Variants in UNC5D observed in about 807,000 individuals in gnomAD.
UNC5D encodes netrin receptor UNC5D.
In UNC5D, 39 loss-of-function variants were observed where a neutral mutation model predicts 105.4. The ratio of observed to expected loss-of-function variants is 0.37; its 90% CI spans 0.29 to 0.48. UNC5D has a LOEUF of 0.48. Among genes scored for constraint, UNC5D ranks in the 20% least tolerant of loss-of-function variants. The probability of loss-of-function intolerance (pLI) is 0.98; values close to 1 mark genes in which losing one functional copy is unlikely to be tolerated. For missense variants in UNC5D, 991 were observed against 1,202.4 expected, an observed-to-expected ratio of 0.82 and a Z score of 2.60; for synonymous variants, 452 against 450.4, an observed-to-expected ratio of 1.00 and a Z score of -0.04.
At chr8:35,758,781 A>T (rs1830626639) in intron 13 of UNC5D, among the ~76,000 whole-genome samples, 1 of 152,232 alleles carries the variant, frequency 6.6e-6, no homozygotes. Context: ...CTTTTGGTAT[A>T]ATAACTTTTA....
At chr8:35,417,047 A>T (rs1805576950) in intron 1 of UNC5D, among the ~76,000 whole-genome samples, 1 of 152,182 alleles carries the variant, frequency 6.6e-6, no homozygotes, top group Non-Finnish European at 1.5e-5. Context: ...TGGAGAATGG[A>T]GTATCCATCC....
At chr8:35,384,670 A>C (rs1803270952) in intron 1 of UNC5D, among the ~76,000 whole-genome samples, 1 of 152,206 alleles carries the variant, frequency 6.6e-6, no homozygotes, top group African/African-American at 2.4e-5. Context: ...TGAGCCAGTG[A>C]CCCACATTTA....
At chr8:35,331,507 G>A (rs1810628146) in intron 1 of UNC5D, among the ~76,000 whole-genome samples, 1 of 152,196 alleles carries the variant, frequency 6.6e-6, no homozygotes, top group South Asian at 2.1e-4. Flanking sequence ...TAGCCTCCTC[G>A]CCTGTATCAC....
intron 1 of UNC5D, among the ~76,000 whole-genome samples, chr8:35,342,214 C>T (rs544616239): frequency 4.6e-5 from 7 of 152,008 alleles, no homozygotes; most frequent in Non-Finnish European, 8.8e-5. Flanking sequence ...GGACCTTTTC[C>T]GTGACCCCAG....
intron 1 of UNC5D, among the ~76,000 whole-genome samples, chr8:35,353,772 G>A (rs1331957821): frequency 3.3e-5 from 5 of 152,010 alleles, no homozygotes; most frequent in Non-Finnish European, 7.4e-5. Context: ...TAGGACGCTG[G>A]ATAATGTGTG....
chr8:35,644,015 C>T (rs754197442), intron 4 of UNC5D, among the ~76,000 whole-genome samples: 6 of 152,234 alleles, frequency 3.9e-5, no homozygotes, highest in South Asian at 2.1e-4. Context: ...ATTGAGCCAT[C>T]GGCTATGTTT....
At chr8:35,484,408 C>T (rs544187686) in intron 1 of UNC5D, among the ~76,000 whole-genome samples, 1 of 152,290 alleles carries the variant, frequency 6.6e-6, no homozygotes, top group East Asian at 1.9e-4. Flanking sequence ...ATCAGCATGT[C>T]TTATTATCCT....
At chr8:35,704,373 A>G (rs141124287) in intron 7 of UNC5D, among the ~76,000 whole-genome samples, 20 of 152,338 alleles carry the variant, frequency 1.3e-4, no homozygotes, top group African/African-American at 4.1e-4. Context: ...GAAAGACTCT[A>G]TGGAGAACTC....
chr8:35,535,106 T>G (rs1048531380), intron 1 of UNC5D, among the ~76,000 whole-genome samples: 2 of 152,120 alleles, frequency 1.3e-5, no homozygotes, highest in Admixed American at 1.3e-4. Flanking sequence ...ACCCAGACCC[T>G]GGGTGCCAAC....
At chr8:35,504,695 GA>G (rs750821755) in intron 1 of UNC5D, among the ~76,000 whole-genome samples, 9 of 152,274 alleles carry the variant, frequency 5.9e-5, no homozygotes, top group Non-Finnish European at 1.0e-4. Flanking sequence ...ATTATCTGGG[GA>G]ACAGTGTAGA....
intron 4 of UNC5D, among the ~76,000 whole-genome samples, chr8:35,632,275 GA>G (rs1370796054): frequency 6.6e-6 from 1 of 152,202 alleles, no homozygotes; most frequent in Admixed American, 6.5e-5. Flanking sequence ...CATGAGTGAG[GA>G]AACTGCATTA....
At chr8:35,491,911 C>G (rs1811236919) in intron 1 of UNC5D, among the ~76,000 whole-genome samples, 1 of 152,040 alleles carries the variant, frequency 6.6e-6, no homozygotes, top group African/African-American at 2.4e-5. Context: ...TCCCTTCTTC[C>G]TTAGCTTTTC....
chr8:35,324,059 A>G (rs1451916423), intron 1 of UNC5D, among the ~76,000 whole-genome samples: 1 of 151,904 alleles, frequency 6.6e-6, no homozygotes, highest in Non-Finnish European at 1.5e-5. Context: ...GCGAGACCCC[A>G]TCTATACCAA....
At chr8:35,587,730 C>G (rs1482359937) in intron 3 of UNC5D, among the ~76,000 whole-genome samples, 1 of 151,878 alleles carries the variant, frequency 6.6e-6, no homozygotes, top group African/African-American at 2.4e-5. Flanking sequence ...ATGTACTTCT[C>G]TTCTGGCTTC....
Position 35,790,769 on chromosome 8 carries a change from TCTA to T in UNC5D, c.*210_*212del, listed in dbSNP as rs2131818008. The T allele has an allele frequency of 1.7e-6, 1 of 596,352 alleles. No individual in the cohort carries two copies. Among genetic ancestry groups the T allele is most frequent in the African/African-American group, 1.9e-5 (1 of 53,862 alleles). 36.9% of individuals were successfully genotyped at this position (596,352 alleles called of 1,614,324 possible). Reference sequence around the variant, plus strand: ...CAAGCTCTCTTACATATAAGAGGGCTCTACTATCTCCTTGGAATCCACATTTGG... The same window carrying T: ...CAAGCTCTCTTACATATAAGAGGGCTCTATCTCCTTGGAATCCACATTTGG... On this transcript the variant is annotated 3_prime_UTR_variant, in exon 17 of 17. Coordinates refer to ENST00000404895, the MANE Select transcript of UNC5D (RefSeq NM_080872.4).
In UNC5D at chr8:35,595,535, A is replaced by G. The variant is rs1408636703; in HGVS notation, c.467-19A>G. 3 of 1,611,460 alleles carry G rather than the reference A, an allele frequency of 1.9e-6. No individual in the cohort carries two copies. The highest frequency in any genetic ancestry group is 1.7e-5 in the Admixed American group (1 of 59,986). On this transcript the variant is annotated intron_variant, in intron 3 of 16. Transcript: ENST00000404895. The stretch of plus-strand genomic sequence containing the variant: ...CTAGACTTGAAACAAAGTGTCACCT[A>G]TCTCATGCTTCTTTGCAGATTTACG...
rs555676551 is a variant in UNC5D at position 35,489,425 on chromosome 8, T to C, written c.104-59867T>C. Among the ~76,000 whole-genome samples the C allele has an allele frequency of 2.6e-5, 4 of 152,302 alleles. No homozygotes were observed. The South Asian group carries it at 8.3e-4, about 32-fold the overall frequency. On this transcript the variant is annotated intron_variant, in intron 1 of 16. Transcript: ENST00000404895. ...TCAGACAGGGCATTTAAGAAGGTGA[T>C]TAAGTTAACATGAGTCCATCAGGGT...
At chr8:35,489,565 C>T (rs540998694) in intron 1 of UNC5D, among the ~76,000 whole-genome samples, 8 of 152,214 alleles carry the variant, frequency 5.3e-5, no homozygotes, top group East Asian at 1.9e-4. Context: ...AGTGAGGACA[C>T]GCAGGAAAAA....
intron 9 of UNC5D, 30 bp from the exon 10 acceptor site, chr8:35,726,122 C>T: frequency 6.3e-7 from 1 of 1,588,620 alleles, no homozygotes; most frequent in Non-Finnish European, 8.6e-7. Context: ...CTTTTAGTTT[C>T]TGAGTGACAG....
Sources: gnomAD v4.1 joint callset for allele counts (sites outside exome capture counted in the v4.1 genomes callset) on GRCh38, gnomAD v4.1.1 for gene constraint, MANE v1.5 for transcripts, NCBI Gene and HGNC (gene_info 2026-07-23, HGNC 2026-07-21) for gene names.